The following SLC24A2 variants were observed in gnomAD, a reference collection of about 807,000 sequenced individuals.
SLC24A2 encodes sodium/potassium/calcium exchanger 2.
In SLC24A2, 36 loss-of-function variants were observed where a neutral mutation model predicts 62.0. The observed-to-expected ratio is 0.58, with a 90% CI of 0.44 to 0.77. The LOEUF (loss-of-function observed/expected upper bound fraction) is 0.77, where lower values mean the gene tolerates loss of function less well. Ranked by LOEUF, SLC24A2 falls within the 30% of genes least tolerant of loss-of-function variation. The pLI is 0.00. For missense variants in SLC24A2, 846 were observed against 817.9 expected (o/e 1.03, Z -0.42); for synonymous variants, 358 against 294.0 (o/e 1.22, Z -2.23).
intron 2 of SLC24A2, among the ~76,000 whole-genome samples, chr9:19,641,546 A>G (rs755893559): frequency 3.5e-5 from 5 of 143,432 alleles, no homozygotes; most frequent in Non-Finnish European, 7.5e-5. Context: ...ATGGAGTCTC[A>G]CTCGGTCGCC....
the SLC24A2 span, among the ~76,000 whole-genome samples, chr9:20,221,516 T>G: frequency 6.6e-6 from 1 of 152,030 alleles, no homozygotes; most frequent in East Asian, 1.9e-4. Context: ...TATGACATAA[T>G]AAGTTAATGG....
the SLC24A2 span, among the ~76,000 whole-genome samples, chr9:19,972,723 T>G: frequency 6.6e-6 from 1 of 152,232 alleles, no homozygotes; most frequent in Non-Finnish European, 1.5e-5. Context: ...AATTCATATA[T>G]TTTACAAAAG....
At chr9:19,548,058 A>G (rs1181775910) in intron 8 of SLC24A2, among the ~76,000 whole-genome samples, 1 of 151,636 alleles carries the variant, frequency 6.6e-6, no homozygotes, top group Non-Finnish European at 1.5e-5. Flanking sequence ...CAGGAAACCT[A>G]TACTGCTGGG....
chr9:19,898,050 G>A, the SLC24A2 span, among the ~76,000 whole-genome samples: 1 of 152,226 alleles, frequency 6.6e-6, no homozygotes. Flanking sequence ...GAAGAGTTGA[G>A]AAGTAAAGGC....
intron 2 of SLC24A2, among the ~76,000 whole-genome samples, chr9:19,745,143 T>C (rs1821795397): frequency 1.3e-5 from 2 of 152,080 alleles, no homozygotes; most frequent in Admixed American, 1.3e-4. Context: ...CATTTAAGAT[T>C]GTGGCACCTG....
the SLC24A2 span, among the ~76,000 whole-genome samples, chr9:20,193,223 G>T: frequency 1.3e-5 from 2 of 152,032 alleles, no homozygotes; most frequent in African/African-American, 4.8e-5. Flanking sequence ...GAAAGGAATG[G>T]GTTTGAAATA....
At chr9:19,753,271 C>T (rs1026588692) in intron 2 of SLC24A2, among the ~76,000 whole-genome samples, 1 of 152,236 alleles carries the variant, frequency 6.6e-6, no homozygotes, top group African/African-American at 2.4e-5. Flanking sequence ...CCAGGCAGCA[C>T]ATCTGATTTC....
the SLC24A2 span, among the ~76,000 whole-genome samples, chr9:20,125,716 T>C: frequency 3.3e-5 from 5 of 152,248 alleles, no homozygotes; most frequent in Admixed American, 2.0e-4. Context: ...CTCTAGCCCA[T>C]GGTGGTGAGG....
chr9:19,591,676 G>A (rs962269357), intron 5 of SLC24A2, among the ~76,000 whole-genome samples: 1 of 152,190 alleles, frequency 6.6e-6, no homozygotes, highest in African/African-American at 2.4e-5. Flanking sequence ...GTGCCCTTGA[G>A]GTTACAAATC....
chr9:19,994,453 G>A, the SLC24A2 span, among the ~76,000 whole-genome samples: 12 of 152,120 alleles, frequency 7.9e-5, no homozygotes, highest in African/African-American at 2.9e-4. Context: ...CTGCCAATTG[G>A]TTTATGTCCC....
the SLC24A2 span, among the ~76,000 whole-genome samples, chr9:20,161,111 TCTATA>T: frequency 6.6e-6 from 1 of 151,490 alleles, no homozygotes; most frequent in Non-Finnish European, 1.5e-5. Context: ...TATATACACT[TCTATA>T]CAATTAAATT....
At chr9:20,170,544 G>A in the SLC24A2 span, among the ~76,000 whole-genome samples, 6 of 152,022 alleles carry the variant, frequency 3.9e-5, 1 homozygote, top group Admixed American at 3.9e-4. Context: ...TGCAGTTTTG[G>A]GGGAAAAATG....
chr9:20,199,765 C>A, the SLC24A2 span, among the ~76,000 whole-genome samples: 1 of 150,400 alleles, frequency 6.6e-6, no homozygotes, highest in African/African-American at 2.5e-5. Context: ...GTTGCCCAAG[C>A]TGGAGTGCAA....
At chr9:20,170,436 C>T in the SLC24A2 span, among the ~76,000 whole-genome samples, 11 of 152,030 alleles carry the variant, frequency 7.2e-5, no homozygotes, top group East Asian at 1.9e-4. Context: ...TGGGGTCAGA[C>T]GCACAATCTG....
chr9:20,107,348 G>A, the SLC24A2 span, among the ~76,000 whole-genome samples: 147,448 of 149,684 alleles, frequency 0.99, 72,650 homozygotes, highest in East Asian at 1. Context: ...AAACTACTTT[G>A]AAGTTCATAT....
At chr9:19,653,563 A>G (rs547602202) in intron 2 of SLC24A2, among the ~76,000 whole-genome samples, 1 of 152,342 alleles carries the variant, frequency 6.6e-6, no homozygotes, top group Non-Finnish European at 1.5e-5. Flanking sequence ...TGAAAAGTTG[A>G]TCTACTGAAG....
the SLC24A2 span, among the ~76,000 whole-genome samples, chr9:20,241,159 G>C: frequency 6.6e-6 from 1 of 152,174 alleles, no homozygotes; most frequent in African/African-American, 2.4e-5. Flanking sequence ...GCAAAGACAC[G>C]CATCCAGTGC....
At chr9:19,945,332 G>A in the SLC24A2 span, among the ~76,000 whole-genome samples, 1 of 152,066 alleles carries the variant, frequency 6.6e-6, no homozygotes, top group African/African-American at 2.4e-5. Context: ...AGGGAGGGGA[G>A]AGAGAGAACA....
chr9:19,775,398 C>G (rs1051589821), intron 2 of SLC24A2, among the ~76,000 whole-genome samples: 2 of 152,170 alleles, frequency 1.3e-5, no homozygotes, highest in African/African-American at 4.8e-5. Flanking sequence ...TGATCTATGC[C>G]TTTTTTACTC....
Sources: gnomAD v4.1 joint callset for allele counts (sites outside exome capture counted in the v4.1 genomes callset) on GRCh38, gnomAD v4.1.1 for gene constraint, MANE v1.5 for transcripts, NCBI Gene and HGNC (gene_info 2026-07-23, HGNC 2026-07-21) for gene names.